The following GDF7 variants were observed in gnomAD, a reference collection of about 807,000 sequenced individuals.
GDF7 encodes the protein growth differentiation factor 7, also known as growth/differentiation factor 7.
GDF7 carries 12 observed loss-of-function variants against 13.4 expected under a neutral mutation model. The observed-to-expected ratio is 0.90, with a 90% CI of 0.57 to 1.45. The LOEUF (loss-of-function observed/expected upper bound fraction) is 1.45, where lower values mean the gene tolerates loss of function less well. Ranked by LOEUF, GDF7 falls within the 40% of genes most tolerant of loss-of-function variation. The pLI, the probability that GDF7 is intolerant of heterozygous loss-of-function variation, is 0.00. For synonymous variants in GDF7, 330 were observed against 306.4 expected (o/e 1.08, Z -0.80); for missense variants, 651 against 652.4 (o/e 1.00, Z 0.02).
chr2:20,677,326 T>C lies in GDF7; in HGVS notation c.*5901T>C, dbSNP rs1662248404. On this transcript the variant is annotated 3_prime_UTR_variant, in exon 2 of 2. Coordinates refer to ENST00000272224, the MANE Select transcript of GDF7 (RefSeq NM_182828.4). ...CACACCCAGGCCACTTTCGGCAGAG[T>C]GGTCCAGAGCGGCCAGGGCACGGCC... The C allele has an allele frequency of 6.6e-6, 1 of 152,084 alleles. No individual in the cohort carries two copies. Among genetic ancestry groups the C allele is most frequent in the South Asian group, 2.1e-4 (1 of 4,818 alleles). 9.4% of individuals were successfully genotyped at this position (152,084 alleles called of 1,614,324 possible).
Position 20,667,232 on chromosome 2 carries a change from C to T in GDF7, c.-8C>T, listed in dbSNP as rs1374553444. 1 of 1,188,118 alleles carries T rather than the reference C, an allele frequency of 8.4e-7. No individual in the cohort carries two copies. Among genetic ancestry groups the T allele is most frequent in the South Asian group, 3.0e-5 (1 of 33,214 alleles). 73.6% of individuals were successfully genotyped at this position (1,188,118 alleles called of 1,614,324 possible). The stretch of plus-strand genomic sequence containing the variant: ...CCGCGCCGCCCGCCCGCCCGGCCCA[C>T]GGAGCCCATGGACCTGAGCGCCGCC... On this transcript the variant is annotated 5_prime_UTR_variant, in exon 1 of 2. In the 5' UTR this introduces an upstream ATG that the reference lacks. Coordinates refer to ENST00000272224, the MANE Select transcript of GDF7 (RefSeq NM_182828.4). This position sits in a 1 kb window ranked among gnomAD's most constrained non-coding sequence, Gnocchi z 6.4.
chr2:20,667,697 T>C lies in GDF7; in HGVS notation c.391+67T>C, dbSNP rs568004810. 338 of 1,205,852 alleles carry C rather than the reference T, an allele frequency of 2.8e-4. 1 individual carries two copies. The African/African-American group carries it at 4.9e-3, about 18-fold the overall frequency. 74.7% of individuals were successfully genotyped at this position (1,205,852 alleles called of 1,614,324 possible). ...TGGGCTGAGACCAGCCCCGGAGCCG[T>C]GCCGCAGCTCCGTTACATTTGGAGC... is the stretch of plus-strand genomic sequence containing the variant. On this transcript the variant is annotated intron_variant, in intron 1 of 1. Coordinates refer to ENST00000272224, the MANE Select transcript of GDF7 (RefSeq NM_182828.4). This position sits in a 1 kb window ranked among gnomAD's most constrained non-coding sequence, Gnocchi z 6.4.
chr2:20,670,362 G>T, intron 1 of GDF7, 102 bp from the exon 2 acceptor site: 1 of 1,278,800 alleles, frequency 7.8e-7, no homozygotes, highest in South Asian at 1.8e-5. Context: ...CTCCCACATC[G>T]AAGACAGCTG....
rs913363867 is a variant in GDF7 at position 20,675,250 on chromosome 2, G to T, written c.*3825G>T. 1.3e-5 allele frequency: 2 copies of T among 149,324 alleles called. No homozygotes were observed. Among genetic ancestry groups the T allele is most frequent in the Non-Finnish European group, 3.0e-5 (2 of 66,758 alleles). 9.2% of individuals were successfully genotyped at this position (149,324 alleles called of 1,614,324 possible). On this transcript the variant is annotated 3_prime_UTR_variant, in exon 2 of 2. Transcript: ENST00000272224. ...TCTGAGTCAGATCGCGCAGTGAGCT[G>T]GAGGGAGCGAGGCTCTGAAAGCAGC... is the stretch of plus-strand genomic sequence containing the variant.
rs549412390 is a variant in GDF7 at position 20,677,410 on chromosome 2, T to C, written c.*5985T>C. The C allele has an allele frequency of 6.6e-6, 1 of 151,982 alleles. No individual in the cohort carries two copies. Among genetic ancestry groups the C allele is most frequent in the African/African-American group, 2.4e-5 (1 of 41,408 alleles). 9.4% of individuals were successfully genotyped at this position (151,982 alleles called of 1,614,324 possible). On this transcript the variant is annotated 3_prime_UTR_variant, in exon 2 of 2. Coordinates refer to ENST00000272224, the MANE Select transcript of GDF7 (RefSeq NM_182828.4). ...CTTTTGTGTTGTGGGCCAACAGGAG[T>C]GCTACGTAGTGGGGGCTGGAGATTT...
At position 20,671,654 on chromosome 2, in the gene GDF7, C is replaced by G. The variant is rs981488978; in HGVS notation, c.*229C>G. ...GAGATGACCTGCCGGTACCGAATGT[C>G]AAAGCCCTGTGTATTTTGCAAACAG... On this transcript the variant is annotated 3_prime_UTR_variant, in exon 2 of 2. Coordinates refer to ENST00000272224, the MANE Select transcript of GDF7 (RefSeq NM_182828.4). 1.1e-5 allele frequency: 6 copies of G among 556,778 alleles called. No homozygotes were observed. The highest frequency in any genetic ancestry group is 3.2e-5 in the Admixed American group (1 of 31,166). The allele number at this position is 556,778 out of a possible 1,614,324, so 34.5% of individuals were successfully genotyped here.
rs1275821382 is a variant in GDF7, at chr2:20,679,113, G to C, written c.*7688G>C. 1 of 152,188 alleles carries C rather than the reference G, an allele frequency of 6.6e-6. No individual in the cohort carries two copies. The highest frequency in any genetic ancestry group is 1.5e-5 in the Non-Finnish European group (1 of 68,028). 9.4% of individuals were successfully genotyped at this position (152,188 alleles called of 1,614,324 possible). A position where few individuals can be genotyped will look rare whatever the true frequency, so the allele number is the denominator to read the frequency against. ...GTACATAGTGAAATGTAAATGACAT[G>C]TAAAACAGCAATCTCTATTTTTCTT... On this transcript the variant is annotated 3_prime_UTR_variant, in exon 2 of 2. Transcript: ENST00000272224.
chr2:20,671,676 A>G lies in GDF7; in HGVS notation c.*251A>G. On this transcript the variant is annotated 3_prime_UTR_variant, in exon 2 of 2. Transcript: ENST00000272224. ...TGTCAAAGCCCTGTGTATTTTGCAAACAGATAACCATGGCGCCCACTGCCC... is the reference window on the plus strand; with the variant it reads ...TGTCAAAGCCCTGTGTATTTTGCAAGCAGATAACCATGGCGCCCACTGCCC... 1 of 503,676 alleles carries G rather than the reference A, an allele frequency of 2.0e-6. No homozygotes were observed. Among genetic ancestry groups the G allele is most frequent in the Non-Finnish European group, 3.6e-6 (1 of 279,768 alleles). The allele number at this position is 503,676 out of a possible 1,614,324, so 31.2% of individuals were successfully genotyped here. A position where few individuals can be genotyped will look rare whatever the true frequency, so the allele number is the denominator to read the frequency against.
At position 20,672,529 on chromosome 2, in the gene GDF7, TTATCAAG is replaced by T. The variant is rs1662150113; in HGVS notation, c.*1107_*1113del. 1 of 152,280 alleles carries T rather than the reference TTATCAAG, an allele frequency of 6.6e-6. No individual in the cohort carries two copies. 9.4% of individuals were successfully genotyped at this position (152,280 alleles called of 1,614,324 possible). On this transcript the variant is annotated 3_prime_UTR_variant, in exon 2 of 2. Coordinates refer to ENST00000272224, the MANE Select transcript of GDF7 (RefSeq NM_182828.4). ...CGGGGCCGACTCGGGCTTGTGCTAG[TTATCAAG>T]TAAGTCGGCCTCCGCTTTTTACCTG...
rs772860181 is a variant in GDF7 at position 20,671,359 on chromosome 2, C to T, written c.1287C>T (p.Asp429=). 2.5e-6 allele frequency: 4 copies of T among 1,613,196 alleles called. No homozygotes were observed. The African/African-American group carries it at 4.0e-5, about 16-fold the overall frequency. Residue 429 remains aspartate (D), a synonymous_variant, in exon 2 of 2, where the codon GAC becomes GAT. Transcript: ENST00000272224. ...RLSPISILYI[D]AANNVVYKQY... ...GCCCCATCAGCATCCTCTACATCGA[C>T]GCCGCCAACAACGTTGTCTACAAGC...
Position 20,671,299 on chromosome 2 carries a change from G to A in GDF7, c.1227G>A (p.Ala409=), listed in dbSNP as rs1182817522. The A allele has an allele frequency of 8.7e-6, 14 of 1,613,616 alleles. No homozygotes were observed. The highest frequency in any genetic ancestry group is 1.0e-5 in the Non-Finnish European group (12 of 1,179,940). The change falls in exon 2 of 2, where the codon GCG becomes GCA. Residue 409 remains alanine (A), a synonymous_variant. Transcript: ENST00000272224. ...TGCTCAACTCCATGGCACCAGACGC[G>A]GCGCCGGCCTCCTGCTGTGTGCCAG... is the stretch of plus-strand genomic sequence containing the variant. ...QTLLNSMAPD[A]APASCCVPAR... is the part of the protein sequence containing the mutation.
chr2:20,670,560 G>T lies in GDF7; in HGVS notation c.488G>T (p.Arg163Leu), dbSNP rs751558580. 5.6e-6 allele frequency: 9 copies of T among 1,607,386 alleles called. No individual in the cohort carries two copies. The South Asian group carries it at 1.0e-4, about 18-fold the overall frequency. The change falls in exon 2 of 2, where the codon CGC becomes CTC. Residue 163 changes from arginine (R) to leucine (L), a missense_variant. Physicochemically the swap from Arg to Leu is moderately radical, Grantham distance 102 (BLOSUM62 -2). Around this residue, in one of 4 missense-constraint regions of GDF7, gnomAD observed 487 missense variants for 445.9 expected, o/e 1.09. Coordinates refer to ENST00000272224, the MANE Select transcript of GDF7 (RefSeq NM_182828.4). ...GTGGGTGCCGAGCTGCGCGTGCTGC[G>T]CCGGGGATCTCCAGAGTCGGGCCCA... ...EVVGAELRVL[R>L]RGSPESGPGS... is the part of the protein sequence containing the mutation.
intron 1 of GDF7, among the ~76,000 whole-genome samples, chr2:20,668,674 G>A (rs1461468738): frequency 6.6e-6 from 1 of 152,216 alleles, no homozygotes; most frequent in African/African-American, 2.4e-5. Flanking sequence ...GTCCTAGCCT[G>A]GGAAGGCAGG....
At chr2:20,668,917 G>GTGCCCTGTAGGC (rs58722815) in intron 1 of GDF7, among the ~76,000 whole-genome samples, 112,627 of 151,652 alleles carry the variant, frequency 0.74, 42,094 homozygotes, top group South Asian at 0.88. Flanking sequence ...GGACTGAAGG[G>GTGCCCTGTAGGC]TCCCAGGCTG....
In GDF7 at chr2:20,674,897, G is replaced by A. The variant is rs1429507873; in HGVS notation, c.*3472G>A. On this transcript the variant is annotated 3_prime_UTR_variant, in exon 2 of 2. Coordinates refer to ENST00000272224, the MANE Select transcript of GDF7 (RefSeq NM_182828.4). Reference sequence around the variant, plus strand: ...GATAATCCCGTGGATGGAACAGGAGGGAGTGTAATTCAATCCCTACACATT... The same window carrying A: ...GATAATCCCGTGGATGGAACAGGAGAGAGTGTAATTCAATCCCTACACATT... The A allele has an allele frequency of 6.6e-6, 1 of 152,106 alleles. No individual in the cohort carries two copies. Among genetic ancestry groups the A allele is most frequent in the Admixed American group, 6.6e-5 (1 of 15,264 alleles). The allele number at this position is 152,106 out of a possible 1,614,324, so 9.4% of individuals were successfully genotyped here.
At position 20,670,990 on chromosome 2, in the gene GDF7, C is replaced by A. The variant is rs755772177; in HGVS notation, c.918C>A (p.Gly306=). Residue 306 remains glycine, a synonymous_variant, in exon 2 of 2, where the codon GGC becomes GGA. Coordinates refer to ENST00000272224, the MANE Select transcript of GDF7 (RefSeq NM_182828.4). The part of the protein sequence containing the change: ...ASEPLPDPGT[G]TASPRAVIGG... ...AGCCGCTGCCCGACCCAGGAACCGG[C>A]ACCGCGTCGCCAAGGGCAGTCATTG... 2.6e-6 allele frequency: 4 copies of A among 1,552,198 alleles called. No homozygotes were observed. The highest frequency in any genetic ancestry group is 3.5e-6 in the Non-Finnish European group (4 of 1,154,470).
Position 20,667,668 on chromosome 2 carries a change from G to C in GDF7, c.391+38G>C, listed in dbSNP as rs1410922208. ...CTTCTGTGCCCGCCCATCCCGTCAGGTCCTGGGCTGAGACCAGCCCCGGAG... is the reference window on the plus strand; with the variant it reads ...CTTCTGTGCCCGCCCATCCCGTCAGCTCCTGGGCTGAGACCAGCCCCGGAG... On this transcript the variant is annotated intron_variant, in intron 1 of 1. Transcript: ENST00000272224. This position sits in a 1 kb window ranked among gnomAD's most constrained non-coding sequence, Gnocchi z 6.4. 8 of 1,347,044 alleles carry C rather than the reference G, an allele frequency of 5.9e-6. No individual in the cohort carries two copies. Among genetic ancestry groups the C allele is most frequent in the Non-Finnish European group, 7.6e-6 (8 of 1,050,530 alleles). The allele number at this position is 1,347,044 out of a possible 1,614,324, so 83.4% of individuals were successfully genotyped here. A position where few individuals can be genotyped will look rare whatever the true frequency, so the allele number is the denominator to read the frequency against.
In GDF7 at chr2:20,676,454, T is replaced by G. The variant is rs1198410432; in HGVS notation, c.*5029T>G. 1 of 152,284 alleles carries G rather than the reference T, an allele frequency of 6.6e-6. No individual in the cohort carries two copies. The highest frequency in any genetic ancestry group is 2.4e-5 in the African/African-American group (1 of 41,454). The allele number at this position is 152,284 out of a possible 1,614,324, so 9.4% of individuals were successfully genotyped here. A position where few individuals can be genotyped will look rare whatever the true frequency, so the allele number is the denominator to read the frequency against. The stretch of plus-strand genomic sequence containing the variant: ...CTGGACTTTAATCTGTGTGCACAGC[T>G]TAGTGCGTCACAAATAGTAACTGAG... On this transcript the variant is annotated 3_prime_UTR_variant, in exon 2 of 2. Transcript: ENST00000272224.
At position 20,676,835 on chromosome 2, in the gene GDF7, A is replaced by C. The variant is rs542589706; in HGVS notation, c.*5410A>C. ...ATGGGTGTGAAGTCACTGAAAAATCAGACTGAGTTTCAAGTTATGCTCACA... is the reference window on the plus strand; with the variant it reads ...ATGGGTGTGAAGTCACTGAAAAATCCGACTGAGTTTCAAGTTATGCTCACA... On this transcript the variant is annotated 3_prime_UTR_variant, in exon 2 of 2. Coordinates refer to ENST00000272224, the MANE Select transcript of GDF7 (RefSeq NM_182828.4). 1 of 152,246 alleles carries C rather than the reference A, an allele frequency of 6.6e-6. No homozygotes were observed. The highest frequency in any genetic ancestry group is 1.9e-4 in the East Asian group (1 of 5,186). 9.4% of individuals were successfully genotyped at this position (152,246 alleles called of 1,614,324 possible).
Sources: gnomAD v4.1 joint callset for allele counts (sites outside exome capture counted in the v4.1 genomes callset) on GRCh38, gnomAD v4.1.1 for gene constraint, gnomAD v4.1.1 regional missense constraint, Gnocchi (gnomAD v3.1) non-coding constraint, MANE v1.5 for transcripts, NCBI Gene and HGNC (gene_info 2026-07-23, HGNC 2026-07-21) for gene names.